SUPT3H: variants seen among roughly 807,000 people sequenced by gnomAD.
SUPT3H encodes transcription initiation protein SPT3 homolog.
SUPT3H carries 44 observed loss-of-function variants against 44.3 expected under a neutral mutation model. The ratio of observed to expected loss-of-function variants is 0.99; its 90% CI spans 0.78 to 1.28. The LOEUF is 1.28. Among genes scored for constraint, SUPT3H ranks in the 50% most tolerant of loss-of-function variants. The probability of loss-of-function intolerance (pLI) is 0.00; values close to 1 mark genes in which losing one functional copy is unlikely to be tolerated. For synonymous variants in SUPT3H, 124 were observed against 125.6 expected (o/e 0.99, Z 0.09); for missense variants, 380 against 387.1 (o/e 0.98, Z 0.15).
At chr6:45,291,711 G>A (rs1031511084) in intron 2 of SUPT3H, among the ~76,000 whole-genome samples, 5 of 152,078 alleles carry the variant, frequency 3.3e-5, no homozygotes, top group African/African-American at 1.2e-4. Flanking sequence ...TTGAAGACAA[G>A]GTCTTCTAAT....
intron 2 of SUPT3H, chr6:45,328,011 A>T (rs1381244451): frequency 5.4e-6 from 1 of 184,182 alleles, no homozygotes. Context: ...CCTTAACTGC[A>T]GAGCTCTGCT....
intron 6 of SUPT3H, among the ~76,000 whole-genome samples, chr6:44,966,572 GA>G (rs1776809790): frequency 6.6e-6 from 1 of 151,976 alleles, no homozygotes; most frequent in Non-Finnish European, 1.5e-5. Context: ...GGCAAAACTA[GA>G]AGTAAAACTT....
At chr6:45,197,557 T>C (rs1395469108) in intron 2 of SUPT3H, 8 of 265,940 alleles carry the variant, frequency 3.0e-5, no homozygotes, top group South Asian at 2.4e-4. Context: ...AATTAAAAAA[T>C]AAGAATTCAA....
intron 2 of SUPT3H, among the ~76,000 whole-genome samples, chr6:45,358,494 TC>T (rs1443153439): frequency 2.0e-5 from 3 of 152,282 alleles, no homozygotes; most frequent in Admixed American, 1.3e-4. Context: ...TGCAAATATT[TC>T]CCCCTATACT....
chr6:45,064,272 C>T (rs1332773860), intron 3 of SUPT3H, among the ~76,000 whole-genome samples: 8 of 145,252 alleles, frequency 5.5e-5, no homozygotes, highest in Admixed American at 2.8e-4. Flanking sequence ...GAGATTTTGT[C>T]ACCACTAGGC....
chr6:44,964,705 C>A (rs187200053), intron 6 of SUPT3H, among the ~76,000 whole-genome samples: 3 of 152,260 alleles, frequency 2.0e-5, no homozygotes, highest in Non-Finnish European at 4.4e-5. Context: ...AAACTTTGAT[C>A]TGAGGAGCCC....
intron 3 of SUPT3H, among the ~76,000 whole-genome samples, chr6:45,060,434 A>C (rs1791806486): frequency 6.6e-6 from 1 of 152,172 alleles, no homozygotes; most frequent in African/African-American, 2.4e-5. Flanking sequence ...CTTACACCTT[A>C]TATAAAAATT....
chr6:44,830,233 G>C (rs760150611), intron 10 of SUPT3H, among the ~76,000 whole-genome samples: 24 of 152,108 alleles, frequency 1.6e-4, no homozygotes, highest in Non-Finnish European at 4.4e-5. Context: ...TATCTTAATA[G>C]TCTATAAATT....
At chr6:44,821,828 A>G (rs1403418998), downstream of SUPT3H, among the ~76,000 whole-genome samples, 1 of 152,206 alleles carries the variant, frequency 6.6e-6, no homozygotes, top group African/African-American at 2.4e-5. Context: ...ACCATTGGAG[A>G]ACGAGGAGAC....
intron 2 of SUPT3H, among the ~76,000 whole-genome samples, chr6:45,120,441 A>AAC (rs1801489312): frequency 6.9e-6 from 1 of 144,920 alleles, no homozygotes; most frequent in Non-Finnish European, 1.5e-5. Context: ...AAAAAAAAAA[A>AAC]GACTATATAA....
In SUPT3H at chr6:45,350,863, C is replaced by A. The variant is rs183108373; in HGVS notation, c.101+14338G>T. On this transcript the variant is annotated intron_variant, in intron 2 of 10. Transcript: ENST00000371459. ...TTTATAATAGCTCAGGGGTCCCCAA[C>A]CCCCAGTTCCAGTTCGTGGCCTGTT... 9.3e-5 allele frequency among the ~76,000 whole-genome samples: 14 copies of A among 151,168 alleles called. No individual in the cohort carries two copies. In the East Asian group the frequency reaches 1.9e-3, roughly 21 times the overall value.
At chr6:44,853,711 T>A (rs377446226) in intron 10 of SUPT3H, among the ~76,000 whole-genome samples, 9 of 151,972 alleles carry the variant, frequency 5.9e-5, no homozygotes, top group Non-Finnish European at 1.3e-4. Context: ...ACCTGAGCTA[T>A]AAACAGGAGT....
chr6:45,330,463 T>G (rs1787243159), intron 2 of SUPT3H, among the ~76,000 whole-genome samples: 1 of 152,000 alleles, frequency 6.6e-6, no homozygotes, highest in African/African-American at 2.4e-5. Flanking sequence ...AAGTTACTCT[T>G]TCACGTTATC....
At chr6:45,035,438 G>A (rs930286355) in intron 3 of SUPT3H, among the ~76,000 whole-genome samples, 7 of 152,068 alleles carry the variant, frequency 4.6e-5, no homozygotes, top group Admixed American at 1.3e-4. Flanking sequence ...ATGTCCAAAA[G>A]GTTGTATGGA....
chr6:44,912,160 TTAA>T (rs1269722063), intron 10 of SUPT3H, among the ~76,000 whole-genome samples: 2 of 152,198 alleles, frequency 1.3e-5, no homozygotes, highest in African/African-American at 2.4e-5. Context: ...ATTAATTACA[TTAA>T]TAATATTGTA....
intron 2 of SUPT3H, among the ~76,000 whole-genome samples, chr6:45,283,214 G>A (rs1439844692): frequency 1.3e-5 from 2 of 152,068 alleles, no homozygotes; most frequent in Non-Finnish European, 2.9e-5. Context: ...CATAATGACA[G>A]GATCAAATTC....
intron 3 of SUPT3H, among the ~76,000 whole-genome samples, chr6:45,062,972 A>G (rs373611336): frequency 4.0e-5 from 6 of 151,612 alleles, no homozygotes; most frequent in African/African-American, 4.9e-5. Context: ...GCTCAAGGAG[A>G]CCTGCCTGCC....
intron 2 of SUPT3H, chr6:45,328,870 CA>C: frequency 7.4e-7 from 1 of 1,350,648 alleles, no homozygotes; most frequent in Non-Finnish European, 1.1e-6. Flanking sequence ...CTAGCTTTTC[CA>C]AATAGCATAT....
chr6:45,267,527 G>T (rs1387117135), intron 2 of SUPT3H, among the ~76,000 whole-genome samples: 5 of 152,136 alleles, frequency 3.3e-5, no homozygotes, highest in Non-Finnish European at 7.3e-5. Context: ...AAATAGTTGA[G>T]ATATTAAGAA....
Sources: allele counts gnomAD v4.1 joint callset (sites outside exome capture counted in the v4.1 genomes callset), GRCh38; gene constraint gnomAD v4.1.1; transcripts MANE v1.5; gene names NCBI Gene and HGNC (gene_info 2026-07-23, HGNC 2026-07-21).